CNTN4: variants seen among roughly 807,000 people sequenced by gnomAD.
CNTN4 encodes the protein contactin 4.
Under a neutral mutation model 122.5 loss-of-function variants are expected in CNTN4, and 77 were observed. The ratio of observed to expected loss-of-function variants is 0.63; its 90% confidence interval spans 0.52 to 0.76. The LOEUF is 0.76. Ranked by LOEUF, CNTN4 falls within the 30% of genes least tolerant of loss-of-function variation. The pLI, the probability that CNTN4 is intolerant of heterozygous loss-of-function variation, is 0.00. For synonymous variants in CNTN4, 512 were observed against 447.0 expected, an observed-to-expected ratio of 1.15 and a Z score of -1.83; for missense variants, 1,256 against 1,259.1, an observed-to-expected ratio of 1.00 and a Z score of 0.04.
chr3:2,493,671 A>G (rs1189770920), intron 3 of CNTN4, among the ~76,000 whole-genome samples: 3 of 152,016 alleles, frequency 2.0e-5, no homozygotes, highest in Non-Finnish European at 4.4e-5. Flanking sequence ...TAGAACACCA[A>G]TTTTATTTTG....
At chr3:2,210,670 A>C (rs1401719132) in intron 2 of CNTN4, among the ~76,000 whole-genome samples, 1 of 152,204 alleles carries the variant, frequency 6.6e-6, no homozygotes, top group Non-Finnish European at 1.5e-5. Flanking sequence ...CCAATGCAGC[A>C]AGAGTGAGAG....
chr3:2,627,670 T>A (rs1451041539), intron 4 of CNTN4, among the ~76,000 whole-genome samples: 1 of 151,918 alleles, frequency 6.6e-6, no homozygotes, highest in Non-Finnish European at 1.5e-5. Context: ...ATTTTTTGTA[T>A]TTTTAGTAGA....
chr3:2,249,071 C>T (rs1000427150), intron 2 of CNTN4, among the ~76,000 whole-genome samples: 3 of 151,930 alleles, frequency 2.0e-5, no homozygotes, highest in African/African-American at 7.2e-5. Context: ...CATTACTATA[C>T]ATTACATATA....
At chr3:2,256,292 C>G (rs1385089727) in intron 2 of CNTN4, among the ~76,000 whole-genome samples, 2 of 152,040 alleles carry the variant, frequency 1.3e-5, no homozygotes, top group Admixed American at 1.3e-4. Context: ...AATTGAGGCA[C>G]TAATTAATAG....
chr3:2,254,431 G>A (rs1315611036), intron 2 of CNTN4, among the ~76,000 whole-genome samples: 2 of 152,114 alleles, frequency 1.3e-5, no homozygotes, highest in African/African-American at 4.8e-5. Context: ...GGGTCAAATG[G>A]TATTTCTGGT....
At chr3:2,151,582 C>A (rs10470647) in intron 2 of CNTN4, among the ~76,000 whole-genome samples, 7 of 152,108 alleles carry the variant, frequency 4.6e-5, no homozygotes, top group Admixed American at 3.3e-4. Context: ...AAACTCATGT[C>A]GAAATTTAAT....
intron 3 of CNTN4, among the ~76,000 whole-genome samples, chr3:2,485,109 C>T (rs569696120): frequency 9.2e-5 from 14 of 152,202 alleles, no homozygotes; most frequent in Non-Finnish European, 1.6e-4. Flanking sequence ...GCCAGTGCTG[C>T]GCTCGAATTC....
At chr3:2,816,584 A>C (rs1463351284) in intron 6 of CNTN4, among the ~76,000 whole-genome samples, 1 of 151,742 alleles carries the variant, frequency 6.6e-6, no homozygotes. Context: ...GCACTTTTGG[A>C]GGCTGAGGCG....
At chr3:2,928,527 A>G (rs2094493526) in intron 13 of CNTN4, among the ~76,000 whole-genome samples, 1 of 152,222 alleles carries the variant, frequency 6.6e-6, no homozygotes, top group African/African-American at 2.4e-5. Context: ...TTGACTACAC[A>G]GCTTTGAGTA....
intron 3 of CNTN4, among the ~76,000 whole-genome samples, chr3:2,559,578 G>T (rs7624924): frequency 6.6e-6 from 1 of 150,774 alleles, no homozygotes; most frequent in African/African-American, 2.4e-5. Context: ...AAGAAAAAAA[G>T]AAAAAGGTTG....
chr3:2,830,947 G>A (rs2093091013), intron 7 of CNTN4, among the ~76,000 whole-genome samples: 1 of 152,196 alleles, frequency 6.6e-6, no homozygotes, highest in African/African-American at 2.4e-5. Context: ...CTGGTTAGGA[G>A]CTCAGAAATC....
chr3:2,150,131 C>T (rs997367932), intron 2 of CNTN4, among the ~76,000 whole-genome samples: 2 of 152,126 alleles, frequency 1.3e-5, no homozygotes, highest in African/African-American at 4.8e-5. Flanking sequence ...CTGATGTTAT[C>T]CTTTAAGAAG....
At chr3:2,976,029 A>G (rs1693386701) in intron 13 of CNTN4, among the ~76,000 whole-genome samples, 1 of 152,200 alleles carries the variant, frequency 6.6e-6, no homozygotes, top group Admixed American at 6.5e-5. Context: ...AATTTTAGGC[A>G]AAATGACATC....
chr3:2,521,272 C>A (rs1416577195), intron 3 of CNTN4, among the ~76,000 whole-genome samples: 3 of 151,894 alleles, frequency 2.0e-5, no homozygotes, highest in Non-Finnish European at 4.4e-5. Context: ...ATTTTGTAAT[C>A]AGGCCATCCA....
chr3:3,038,036 T>C (rs1699774831), intron 18 of CNTN4, among the ~76,000 whole-genome samples: 1 of 152,036 alleles, frequency 6.6e-6, no homozygotes, highest in Admixed American at 6.6e-5. Context: ...AATAATAAGG[T>C]CCCTACACAA....
chr3:2,694,583 A>C (rs2085918422), intron 4 of CNTN4, among the ~76,000 whole-genome samples: 1 of 152,208 alleles, frequency 6.6e-6, no homozygotes, highest in African/African-American at 2.4e-5. Flanking sequence ...TACAAAAATT[A>C]GCTGGGCATG....
chr3:2,581,997 G>A (rs938439509), intron 4 of CNTN4, among the ~76,000 whole-genome samples: 2 of 152,186 alleles, frequency 1.3e-5, no homozygotes, highest in African/African-American at 4.8e-5. Context: ...AGGAGTGAGG[G>A]AGGATAAGGA....
intron 3 of CNTN4, among the ~76,000 whole-genome samples, chr3:2,459,598 T>C (rs1405669279): frequency 6.6e-6 from 1 of 152,124 alleles, no homozygotes; most frequent in Non-Finnish European, 1.5e-5. Context: ...CATCTTGGTC[T>C]TGCCCTTTAG....
chr3:2,352,654 G>T (rs554196088), intron 3 of CNTN4, among the ~76,000 whole-genome samples: 1 of 152,168 alleles, frequency 6.6e-6, no homozygotes, highest in Non-Finnish European at 1.5e-5. Context: ...CCTGCAGCCC[G>T]CCAAGCCCGA....
Sources: gnomAD v4.1 joint callset for allele counts (sites outside exome capture counted in the v4.1 genomes callset) on GRCh38, gnomAD v4.1.1 for gene constraint, MANE v1.5 for transcripts, NCBI Gene and HGNC (gene_info 2026-07-23, HGNC 2026-07-21) for gene names.